Variants in TSHR observed in about 807,000 individuals in gnomAD.
The protein encoded by TSHR is thyrotropin receptor.
Under a neutral mutation model 64.1 loss-of-function variants are expected in TSHR, and 51 were observed. That is an observed-to-expected ratio of 0.80 (90% CI 0.64 to 1.01). TSHR has a LOEUF of 1.01. Among genes scored for constraint, TSHR ranks in the 50% least tolerant of loss-of-function variants. TSHR has a pLI of 0.00. For missense variants in TSHR, 877 were observed against 942.8 expected, an observed-to-expected ratio of 0.93 and a Z score of 0.91; for synonymous variants, 361 against 361.9, an observed-to-expected ratio of 1.00 and a Z score of 0.03.
intron 1 of TSHR, among the ~76,000 whole-genome samples, chr14:80,981,100 C>T (rs1888145409): frequency 6.6e-6 from 1 of 151,866 alleles, no homozygotes; most frequent in Non-Finnish European, 1.5e-5. Context: ...TGAATTGTTA[C>T]CTTTTTATTT....
chr14:80,963,643 G>A (rs74064776), intron 1 of TSHR, among the ~76,000 whole-genome samples: 8,718 of 152,224 alleles, frequency 0.057, 806 homozygotes, highest in African/African-American at 0.2. Flanking sequence ...TGGTCTGTGG[G>A]GCAGATCTTA....
At chr14:80,997,362 C>CCTAT in intron 1 of TSHR, among the ~76,000 whole-genome samples, 1 of 152,302 alleles carries the variant, frequency 6.6e-6, no homozygotes, top group Non-Finnish European at 1.5e-5. Context: ...TTCACCCCTC[C>CCTAT]CTATCTCTCT....
intron 3 of TSHR, among the ~76,000 whole-genome samples, chr14:81,069,131 T>G (rs992622015): frequency 2.0e-5 from 3 of 151,760 alleles, no homozygotes; most frequent in Admixed American, 6.6e-5. Context: ...AAACATTGTA[T>G]GAACATTATT....
At chr14:81,121,746 G>A (rs1047213857) in intron 8 of TSHR, among the ~76,000 whole-genome samples, 1 of 151,832 alleles carries the variant, frequency 6.6e-6, no homozygotes, top group Non-Finnish European at 1.5e-5. Context: ...GTTTGAGGTC[G>A]GCTTAGCCAA....
At chr14:80,978,582 G>T (rs1888011527) in intron 1 of TSHR, among the ~76,000 whole-genome samples, 1 of 152,220 alleles carries the variant, frequency 6.6e-6, no homozygotes, top group Non-Finnish European at 1.5e-5. Flanking sequence ...CCAGGCTCTA[G>T]CACCACTGCC....
chr14:81,028,447 GA>G (rs573349642), intron 1 of TSHR, among the ~76,000 whole-genome samples: 17 of 151,222 alleles, frequency 1.1e-4, no homozygotes, highest in African/African-American at 3.6e-4. Flanking sequence ...TAGACAGTAA[GA>G]AAAAAAAATC....
chr14:80,970,127 G>A (rs1009480982), intron 1 of TSHR, among the ~76,000 whole-genome samples: 8 of 152,136 alleles, frequency 5.3e-5, no homozygotes, highest in African/African-American at 1.9e-4. Context: ...AATCTGTAAA[G>A]CAGACACCAA....
intron 1 of TSHR, among the ~76,000 whole-genome samples, chr14:81,029,745 G>T (rs543177692): frequency 2.4e-4 from 36 of 152,092 alleles, no homozygotes; most frequent in Non-Finnish European, 4.7e-4. Context: ...AAAGAAAAGA[G>T]GGTGAAATAA....
intron 1 of TSHR, among the ~76,000 whole-genome samples, chr14:81,038,138 C>A (rs1884743480): frequency 6.6e-6 from 1 of 151,954 alleles, no homozygotes; most frequent in Non-Finnish European, 1.5e-5. Context: ...AAGTATTTTT[C>A]TGATCACAAT....
intron 1 of TSHR, among the ~76,000 whole-genome samples, chr14:80,999,973 C>T (rs1218974934): frequency 2.1e-5 from 3 of 143,104 alleles, no homozygotes; most frequent in Non-Finnish European, 4.5e-5. Flanking sequence ...GCTCTGTCAC[C>T]CAGGCTGGAG....
At chr14:81,002,801 T>TTTATC (rs1889402889) in intron 1 of TSHR, among the ~76,000 whole-genome samples, 1 of 31,884 alleles carries the variant, frequency 3.1e-5, no homozygotes, top group African/African-American at 6.1e-5. Flanking sequence ...TTTTTTTTTT[T>TTTATC]TTTTTTATCT....
intron 1 of TSHR, among the ~76,000 whole-genome samples, chr14:80,983,869 T>C (rs1427612205): frequency 6.6e-6 from 1 of 152,254 alleles, no homozygotes; most frequent in Non-Finnish European, 1.5e-5. Context: ...CTTGTTTAGA[T>C]TGGCATATTT....
At chr14:81,120,661 C>T (rs1248110616) in intron 8 of TSHR, among the ~76,000 whole-genome samples, 1 of 152,004 alleles carries the variant, frequency 6.6e-6, no homozygotes, top group Non-Finnish European at 1.5e-5. Flanking sequence ...ATTTGGATGC[C>T]GTTTATTTGT....
Position 81,143,098 on chromosome 14 carries a change from A to G in TSHR, c.1040A>G (p.His347Arg), listed in dbSNP as rs748660834. 3 of 1,614,216 alleles carry G rather than the reference A, an allele frequency of 1.9e-6. No individual in the cohort carries two copies. The highest frequency in any genetic ancestry group is 1.3e-5 in the African/African-American group (1 of 75,042). ...YKEKSKFQDT[H>R]NNAHYYVFFE... The stretch of plus-strand genomic sequence containing the variant: ...GAAAAGTCCAAGTTCCAGGATACTC[A>G]TAACAACGCTCATTATTACGTCTTC... The change falls in exon 10 of 10, where the codon CAT becomes CGT. Residue 347 changes from histidine to arginine, a missense_variant. His to Arg is a conservative substitution (Grantham distance 29). Transcript: ENST00000298171.
intron 2 of TSHR, among the ~76,000 whole-genome samples, chr14:81,067,763 A>AAAAAT (rs200904863): frequency 1.4e-4 from 21 of 148,704 alleles, no homozygotes; most frequent in East Asian, 7.8e-4. Context: ...TCAAAATAGC[A>AAAAAT]AAAATAAAAT....
At chr14:81,105,998 C>T (rs1303458205) in intron 7 of TSHR, among the ~76,000 whole-genome samples, 2 of 152,000 alleles carry the variant, frequency 1.3e-5, no homozygotes, top group Non-Finnish European at 2.9e-5. Flanking sequence ...CTGGGTGTCA[C>T]TGACCAAAGG....
At position 81,145,642 on chromosome 14, in the gene TSHR, A is replaced by G. The variant is rs150122093; in HGVS notation, c.*1289A>G. 9.0e-3 allele frequency: 2,092 copies of G among 233,174 alleles called. 37 individuals are homozygous for G. The highest frequency in any genetic ancestry group is 0.037 in the African/African-American group (1,703 of 45,466). 14.4% of individuals were successfully genotyped at this position (233,174 alleles called of 1,614,324 possible). A position where few individuals can be genotyped will look rare whatever the true frequency, so the allele number is the denominator to read the frequency against. On this transcript the variant is annotated 3_prime_UTR_variant, in exon 10 of 10. Transcript: ENST00000298171. ...CTTGTCTTTAGGGATGATTTTTGCC[A>G]TTTCCAGTCCACGGTATGATACTAA...
At chr14:81,068,863 A>G (rs1393454979) in intron 3 of TSHR, among the ~76,000 whole-genome samples, 1 of 152,200 alleles carries the variant, frequency 6.6e-6, no homozygotes, top group Non-Finnish European at 1.5e-5. Context: ...AATAAGTGTA[A>G]TAAGAGCTGC....
chr14:81,099,174 G>A (rs894535312), intron 7 of TSHR, among the ~76,000 whole-genome samples: 2 of 152,080 alleles, frequency 1.3e-5, no homozygotes, highest in Admixed American at 6.5e-5. Flanking sequence ...CAGAGCAAAA[G>A]TCAAGAACTA....
Sources: allele counts gnomAD v4.1 joint callset (sites outside exome capture counted in the v4.1 genomes callset), GRCh38; gene constraint gnomAD v4.1.1; transcripts MANE v1.5; gene names NCBI Gene and HGNC (gene_info 2026-07-23, HGNC 2026-07-21).